FNIP2: variants seen among roughly 807,000 people sequenced by gnomAD.
The protein encoded by FNIP2 is folliculin interacting protein 2.
Under a neutral mutation model 108.7 loss-of-function variants are expected in FNIP2, and 32 were observed. The observed-to-expected ratio is 0.29, with a 90% CI of 0.22 to 0.40. The LOEUF is 0.40. Among genes scored for constraint, FNIP2 ranks in the 10% least tolerant of loss-of-function variants. FNIP2 has a pLI of 1.00. For synonymous variants in FNIP2, 480 were observed against 496.7 expected (o/e 0.97, Z 0.45); for missense variants, 1,202 against 1,381.6 (o/e 0.87, Z 2.06).
intron 7 of FNIP2, among the ~76,000 whole-genome samples, chr4:158,842,215 A>G (rs77896366): frequency 0.021 from 3,245 of 152,274 alleles, 58 homozygotes; most frequent in Non-Finnish European, 0.033. Flanking sequence ...GCATTCTTAC[A>G]TACCTGTTAA....
chr4:158,850,017 T>G (rs1185997799), intron 7 of FNIP2, among the ~76,000 whole-genome samples: 7 of 152,174 alleles, frequency 4.6e-5, no homozygotes, highest in Admixed American at 3.9e-4. Context: ...TATAGACTTG[T>G]CCACCACTTA....
In FNIP2 at chr4:158,869,272, C is replaced by T. The variant is rs1560818284; in HGVS notation, c.2636C>T (p.Ala879Val). 1 of 1,613,878 alleles carries T rather than the reference C, an allele frequency of 6.2e-7. No homozygotes were observed. The highest frequency in any genetic ancestry group is 8.5e-7 in the Non-Finnish European group (1 of 1,179,890). Residue 879 changes from alanine to valine, a missense_variant, in exon 13 of 17, where the codon GCC (alanine) becomes GTC (valine). Around this residue, in one of 5 missense-constraint regions of FNIP2, gnomAD observed 878 missense variants for 990.3 expected, o/e 0.89. Transcript: ENST00000264433. The part of the protein sequence containing the change: ...NIPCGDDNKK[A>V]NFRTEGDIPR... ...CCCTGTGGGGATGACAACAAGAAGG[C>T]CAACTTCAGGACTGAAGGAGACATT...
intron 14 of FNIP2, among the ~76,000 whole-genome samples, chr4:158,877,666 A>G (rs1781358976): frequency 6.6e-6 from 1 of 152,182 alleles, no homozygotes; most frequent in Non-Finnish European, 1.5e-5. Flanking sequence ...TGGGGCAGAG[A>G]TGCTTTTGGG....
At chr4:158,817,757 A>G (rs532357381) in intron 1 of FNIP2, among the ~76,000 whole-genome samples, 4 of 152,264 alleles carry the variant, frequency 2.6e-5, no homozygotes, top group African/African-American at 9.6e-5. Context: ...CATGTTGGCC[A>G]TGCTGGTCTC....
intron 1 of FNIP2, among the ~76,000 whole-genome samples, chr4:158,821,344 T>A (rs1040290604): frequency 6.6e-6 from 1 of 152,248 alleles, no homozygotes; most frequent in Admixed American, 6.5e-5. Flanking sequence ...TAGAATACAT[T>A]TCCCTGAAGT....
intron 2 of FNIP2, among the ~76,000 whole-genome samples, 157 bp downstream of exon 2, chr4:158,826,199 A>G (rs1456149797): frequency 6.6e-6 from 1 of 152,220 alleles, no homozygotes; most frequent in Non-Finnish European, 1.5e-5. Context: ...CCTTTAATCA[A>G]AGCCCTACCC....
intron 6 of FNIP2, chr4:158,834,084 G>T (rs147667288): frequency 3.5e-6 from 1 of 282,646 alleles, no homozygotes; most frequent in African/African-American, 2.3e-5. Flanking sequence ...AAATGTCTTC[G>T]CTAATACTCT....
At position 158,882,309 on chromosome 4, in the gene FNIP2, C is replaced by G. The variant is rs191293411; in HGVS notation, c.2950-9137C>G. The stretch of plus-strand genomic sequence containing the variant: ...GGAAGTGAGGAGCGTCTCCGCCCGG[C>G]AGCTGCCCCATCTGGGAGGGAGGTG... On this transcript the variant is annotated intron_variant, in intron 14 of 16. Coordinates refer to ENST00000264433, the MANE Select transcript of FNIP2 (RefSeq NM_020840.3). 2.2e-3 allele frequency among the ~76,000 whole-genome samples: 333 copies of G among 151,964 alleles called. 1 individual carries two copies. The highest frequency in any genetic ancestry group is 7.6e-3 in the African/African-American group (316 of 41,340).
At chr4:158,854,750 T>C (rs181882695) in intron 8 of FNIP2, among the ~76,000 whole-genome samples, 3 of 152,302 alleles carry the variant, frequency 2.0e-5, no homozygotes, top group African/African-American at 7.2e-5. Flanking sequence ...TATGATCTAA[T>C]GGTAATAGAC....
chr4:158,818,504 T>C (rs1777698812), intron 1 of FNIP2, among the ~76,000 whole-genome samples: 1 of 152,262 alleles, frequency 6.6e-6, no homozygotes, highest in African/African-American at 2.4e-5. Flanking sequence ...TCTGAACTGA[T>C]GTGAGGCTGT....
intron 7 of FNIP2, among the ~76,000 whole-genome samples, chr4:158,843,910 A>G (rs1342304126): frequency 6.6e-6 from 1 of 152,184 alleles, no homozygotes; most frequent in Non-Finnish European, 1.5e-5. Flanking sequence ...CAGGGCATAG[A>G]TCTGTTCTAG....
intron 14 of FNIP2, chr4:158,871,730 T>C (rs1780959585): frequency 1.0e-6 from 1 of 985,174 alleles, no homozygotes; most frequent in African/African-American, 1.7e-5. Context: ...TGAAGTTGCT[T>C]TTGTCCCTAT....
intron 8 of FNIP2, among the ~76,000 whole-genome samples, chr4:158,856,635 C>G (rs867100482): frequency 6.6e-6 from 1 of 152,126 alleles, no homozygotes; most frequent in South Asian, 2.1e-4. Context: ...GGTCAGAATC[C>G]CTGGTCATTG....
chr4:158,806,110 G>A (rs760727412), intron 1 of FNIP2: 7 of 1,186,562 alleles, frequency 5.9e-6, no homozygotes, highest in Non-Finnish European at 7.5e-6. Context: ...CTCACATACT[G>A]TATAGGGAGT....
At chr4:158,877,944 C>T (rs1183718150) in intron 14 of FNIP2, among the ~76,000 whole-genome samples, 2 of 151,634 alleles carry the variant, frequency 1.3e-5, no homozygotes, top group African/African-American at 2.4e-5. Flanking sequence ...CGTCTCCTCC[C>T]CCACCCCCCC....
At chr4:158,813,937 C>G (rs1777424353) in intron 1 of FNIP2, among the ~76,000 whole-genome samples, 2 of 152,170 alleles carry the variant, frequency 1.3e-5, no homozygotes. Context: ...AAAAGACTGT[C>G]TTTGCTCCAT....
chr4:158,777,749 G>C (rs1225578003), intron 1 of FNIP2, among the ~76,000 whole-genome samples: 3 of 152,224 alleles, frequency 2.0e-5, no homozygotes, highest in Non-Finnish European at 4.4e-5. Flanking sequence ...AACTGGCCCT[G>C]CAGTGGGGTT....
At chr4:158,770,287 GAGA>G (rs1041184080) in intron 1 of FNIP2, among the ~76,000 whole-genome samples, 1 of 152,166 alleles carries the variant, frequency 6.6e-6, no homozygotes, top group African/African-American at 2.4e-5. Context: ...CAGGTATGTT[GAGA>G]AGTTTATTTA....
At chr4:158,773,652 C>T (rs1305231734) in intron 1 of FNIP2, among the ~76,000 whole-genome samples, 1 of 152,084 alleles carries the variant, frequency 6.6e-6, no homozygotes, top group African/African-American at 2.4e-5. Context: ...AAAATGGAAC[C>T]ATTTTTCAGA....
Sources: gnomAD v4.1 joint callset for allele counts (sites outside exome capture counted in the v4.1 genomes callset) on GRCh38, gnomAD v4.1.1 for gene constraint, gnomAD v4.1.1 regional missense constraint, MANE v1.5 for transcripts, NCBI Gene and HGNC (gene_info 2026-07-23, HGNC 2026-07-21) for gene names.